Variants in NAA38 observed in about 807,000 individuals in gnomAD.
NAA38 encodes the protein N-alpha-acetyltransferase 38, NatC auxiliary subunit.
Under a neutral mutation model 12.6 loss-of-function variants are expected in NAA38, and 15 were observed. The observed-to-expected ratio is 1.19, with a 90% CI of 0.79 to 1.83. NAA38 has a LOEUF of 1.83. NAA38 is among the 40% of genes most tolerant of loss of function. The pLI is 0.00. For missense variants in NAA38, 183 were observed against 171.7 expected (o/e 1.07, Z -0.37); for synonymous variants, 88 against 69.9 (o/e 1.26, Z -1.29).
Position 7,856,828 on chromosome 17 carries a change from C to T in NAA38, c.281G>A (p.Gly94Glu). The change falls in exon 3 of 3, where the codon GGG becomes GAG. Residue 94 changes from glycine (G) to glutamate (E), a missense_variant. By Grantham distance (98) the Gly-to-Glu change is moderately conservative. Transcript: ENST00000575771. Reference sequence around the variant, plus strand: ...GGCCAGGCCCAGCACACGGGGCTCCCCGGCAGAGAAGGAATCTGGAAAGAA... The same window carrying T: ...GGCCAGGCCCAGCACACGGGGCTCCTCGGCAGAGAAGGAATCTGGAAAGAA... ...FLKPSDSFSAGEPRVLGLAMV... is the reference protein window; with the variant it reads ...FLKPSDSFSAEEPRVLGLAMV... 1 of 1,613,804 alleles carries T rather than the reference C, an allele frequency of 6.2e-7. No individual in the cohort carries two copies. Among genetic ancestry groups the T allele is most frequent in the Non-Finnish European group, 8.5e-7 (1 of 1,179,986 alleles).
At position 7,856,757 on chromosome 17, in the gene NAA38, T is replaced by G. The variant is rs747230149; in HGVS notation, c.352A>C (p.Ser118Arg). ...HIVSIEVQRE[S>R]LTGPPYL ...CAGAGATACGGAGGCCCGGTCAGAC[T>G]CTCCCTCTGCACCTCAATGGAAACG... Residue 118 changes from serine to arginine, a missense_variant, in exon 3 of 3, where the codon AGT (serine) becomes CGT (arginine). Coordinates refer to ENST00000575771, the MANE Select transcript of NAA38 (RefSeq NM_001320925.4). The G allele has an allele frequency of 4.3e-6, 7 of 1,613,890 alleles. No individual in the cohort carries two copies. In the South Asian group the frequency reaches 4.4e-5, roughly 10 times the overall value.
chr17:7,884,725 G>GGCGGCCGAC, intron 1 of NAA38: 1 of 359,572 alleles, frequency 2.8e-6, no homozygotes, highest in Non-Finnish European at 4.9e-6. Flanking sequence ...AGGAGGAGGA[G>GGCGGCCGAC]GAGGAGGAGG....
At chr17:7,876,868 A>G (rs1389735132) in intron 2 of NAA38, among the ~76,000 whole-genome samples, 1 of 152,204 alleles carries the variant, frequency 6.6e-6, no homozygotes, top group African/African-American at 2.4e-5. Context: ...TCTTCCAGGA[A>G]TATTCTATGG....
At chr17:7,864,839 G>A (rs1421366398) in intron 3 of NAA38, 1 of 150,992 alleles carries the variant, frequency 6.6e-6, no homozygotes, top group East Asian at 2.0e-4. Flanking sequence ...AGGCTGCAGT[G>A]AGCCAAGATC....
chr17:7,860,723 C>T (rs2078876657), upstream of NAA38: 1 of 152,154 alleles, frequency 6.6e-6, no homozygotes, highest in Non-Finnish European at 1.5e-5. Context: ...GTTATTGTCT[C>T]TGGAAGGGAG....
intron 1 of NAA38, among the ~76,000 whole-genome samples, chr17:7,883,545 T>A (rs1403505210): frequency 6.6e-6 from 1 of 152,026 alleles, no homozygotes; most frequent in African/African-American, 2.4e-5. Flanking sequence ...AAAGGCTGGG[T>A]AAAGGGGAGA....
At chr17:7,882,900 G>A (rs192435878) in intron 2 of NAA38, among the ~76,000 whole-genome samples, 16 of 152,294 alleles carry the variant, frequency 1.1e-4, no homozygotes, top group African/African-American at 3.4e-4. Flanking sequence ...GAGAGGTAGA[G>A]GAATAACCCA....
At chr17:7,858,648 T>C, upstream of NAA38, 7 of 1,608,822 alleles carry the variant, frequency 4.4e-6, no homozygotes, top group Non-Finnish European at 5.9e-6. Context: ...CCTGAGGTAC[T>C]GCACCCCGCG....
At chr17:7,857,809 T>G (rs2078842121), upstream of NAA38, 2 of 1,327,488 alleles carry the variant, frequency 1.5e-6, no homozygotes, top group East Asian at 3.0e-5. Flanking sequence ...AAATATCCCA[T>G]GTAGCCCAGG....
chr17:7,884,467 T>C (rs902321064), intron 1 of NAA38, among the ~76,000 whole-genome samples: 2 of 143,254 alleles, frequency 1.4e-5, no homozygotes, highest in African/African-American at 5.1e-5. Context: ...CATATATATA[T>C]ATATATATAT....
At chr17:7,859,280 A>T (rs1176841412), upstream of NAA38, 4 of 883,068 alleles carry the variant, frequency 4.5e-6, no homozygotes, top group Non-Finnish European at 7.1e-6. Context: ...GCCGTAGAGT[A>T]CCTGAAGCTG....
chr17:7,884,842 G>GGCGGCC, intron 1 of NAA38: 1 of 1,079,472 alleles, frequency 9.3e-7, no homozygotes. Flanking sequence ...AGGAGGAGGA[G>GGCGGCC]GAGGAGATGG....
chr17:7,877,142 A>G, intron 2 of NAA38: 1 of 326,150 alleles, frequency 3.1e-6, no homozygotes, highest in East Asian at 1.2e-4. Context: ...AACGTAATCA[A>G]TGAAGCTACT....
chr17:7,859,202 C>T, upstream of NAA38: 1 of 609,928 alleles, frequency 1.6e-6, no homozygotes, highest in Non-Finnish European at 2.9e-6. Flanking sequence ...GAAGTGGCTG[C>T]CATTAAGATC....
chr17:7,862,122 A>G (rs1307502351), upstream of NAA38: 1 of 152,170 alleles, frequency 6.6e-6, no homozygotes, highest in Admixed American at 6.5e-5. Flanking sequence ...TGCATTTTCC[A>G]GAGTTTTTAT....
rs117505892 is a variant in NAA38 at position 7,881,140 on chromosome 17, G to A, written c.-66+2095C>T. Among the ~76,000 whole-genome samples the A allele has an allele frequency of 2.8e-3, 420 of 152,304 alleles. 15 individuals are homozygous for A. The East Asian group carries it at 0.064, about 23-fold the overall frequency. Reference sequence around the variant, plus strand: ...AGCAGTATCCAGGAAATGTGAAACAGTGGCTGCTTCTGAGGAGAGGAACTC... The same window carrying A: ...AGCAGTATCCAGGAAATGTGAAACAATGGCTGCTTCTGAGGAGAGGAACTC... On this transcript the variant is annotated intron_variant, in intron 2 of 4. Coordinates refer to the NAA38 transcript ENST00000576861.
intron 2 of NAA38, among the ~76,000 whole-genome samples, chr17:7,881,577 C>G (rs1967273280): frequency 6.6e-6 from 1 of 150,858 alleles, no homozygotes; most frequent in African/African-American, 2.4e-5. Flanking sequence ...AGAGAAGAAG[C>G]AAAGGAAGAA....
chr17:7,880,915 A>C (rs1180625292), intron 2 of NAA38, among the ~76,000 whole-genome samples: 1 of 152,210 alleles, frequency 6.6e-6, no homozygotes, highest in Non-Finnish European at 1.5e-5. Flanking sequence ...TCAATCCAAA[A>C]GACACGTGCT....
chr17:7,873,765 G>T (rs1967126912), intron 2 of NAA38, among the ~76,000 whole-genome samples: 1 of 152,150 alleles, frequency 6.6e-6, no homozygotes, highest in African/African-American at 2.4e-5. Context: ...ACATGTAGTT[G>T]AGTATTGGAA....
Sources: gnomAD v4.1 joint callset for allele counts (sites outside exome capture counted in the v4.1 genomes callset) on GRCh38, gnomAD v4.1.1 for gene constraint, MANE v1.5 for transcripts, NCBI Gene and HGNC (gene_info 2026-07-23, HGNC 2026-07-21) for gene names.